C8orf76: variants seen among roughly 807,000 people sequenced by gnomAD.
C8orf76 encodes the protein uncharacterized protein C8orf76.
A neutral mutation model predicts 38.1 loss-of-function variants in C8orf76; 46 were observed. The observed-to-expected ratio is 1.21, with a 90% CI of 0.95 to 1.54. The LOEUF (loss-of-function observed/expected upper bound fraction) is 1.54, where lower values mean the gene tolerates loss of function less well. C8orf76 is among the 40% of genes most tolerant of loss of function. The pLI, the probability that C8orf76 is intolerant of heterozygous loss-of-function variation, is 0.00. For synonymous variants in C8orf76, 166 were observed against 167.5 expected (o/e 0.99, Z 0.07); for missense variants, 461 against 441.6 (o/e 1.04, Z -0.39).
At chr8:123,228,349 G>A (rs866227554) in intron 4 of C8orf76, among the ~76,000 whole-genome samples, 21 of 152,096 alleles carry the variant, frequency 1.4e-4, no homozygotes, top group Admixed American at 1.2e-3. Flanking sequence ...GGCCAGGCGC[G>A]GTGGCTCACG....
intron 1 of C8orf76, among the ~76,000 whole-genome samples, chr8:123,240,253 A>T (rs1212267288): frequency 6.6e-6 from 1 of 152,112 alleles, no homozygotes; most frequent in Non-Finnish European, 1.5e-5. Context: ...CTGCCACATG[A>T]TTTCCAAGCC....
chr8:123,225,674 CCCAGCACTTTGGGAGG>C (rs1825019910), intron 5 of C8orf76, among the ~76,000 whole-genome samples: 2 of 152,302 alleles, frequency 1.3e-5, no homozygotes. Flanking sequence ...GGCCTGTAAT[CCCAGCACTTTGGGAGG>C]CCGAGGTGGG....
chr8:123,240,301 G>T (rs569785089), intron 1 of C8orf76, among the ~76,000 whole-genome samples: 1 of 152,082 alleles, frequency 6.6e-6, no homozygotes. Flanking sequence ...CAGGGCTGAA[G>T]GTAACTTTGA....
Position 123,231,574 on chromosome 8 carries a change from G to A in C8orf76, c.541C>T (p.Leu181Phe). ...TGAGATGACGCAAGTGCTGCTGAAA[G>A]AGCTGGCCCCAGATTCAGGTAAGCC... is the stretch of plus-strand genomic sequence containing the variant. Reference protein sequence around the residue: ...AEAYLNLGPALSAALASSQKQ... With the variant: ...AEAYLNLGPAFSAALASSQKQ... Residue 181 changes from leucine to phenylalanine, a missense_variant, in exon 4 of 6, where the codon CTT becomes TTT. Physicochemically the swap from Leu to Phe is conservative, Grantham distance 22. Coordinates refer to ENST00000276704, the MANE Select transcript of C8orf76 (RefSeq NM_032847.3). 1 of 1,614,242 alleles carries A rather than the reference G, an allele frequency of 6.2e-7. No individual in the cohort carries two copies. The highest frequency in any genetic ancestry group is 8.5e-7 in the Non-Finnish European group (1 of 1,180,048).
chr8:123,231,954 AAG>A (rs1218298107), intron 3 of C8orf76, among the ~76,000 whole-genome samples, 197 bp from the exon 4 acceptor site: 8 of 152,236 alleles, frequency 5.3e-5, no homozygotes, highest in Non-Finnish European at 2.9e-5. Context: ...TACCTAGAGA[AAG>A]AGTCACCAGC....
chr8:123,228,919 C>T (rs1225915108), intron 4 of C8orf76, among the ~76,000 whole-genome samples: 2 of 152,214 alleles, frequency 1.3e-5, no homozygotes, highest in African/African-American at 2.4e-5. Flanking sequence ...AACTAGAGAG[C>T]AGAGTTTAAG....
Position 123,231,593 on chromosome 8 carries a change from G to C in C8orf76, c.522C>G (p.Tyr174Ter), listed in dbSNP as rs777113888. The change falls in exon 4 of 6, where the codon TAC becomes TAG. Residue 174 changes from tyrosine to a stop codon, truncating the protein, a stop_gained. Transcript: ENST00000276704. LOFTEE classifies it high-confidence loss of function. ...PWNWGKLAEA[Y>*]LNLGPALSAA... is the part of the protein sequence containing the mutation. ...CTGAAAGAGCTGGCCCCAGATTCAGGTAAGCCTCTGCCAATTTGCCCCAGT... is the reference window on the plus strand; with the variant it reads ...CTGAAAGAGCTGGCCCCAGATTCAGCTAAGCCTCTGCCAATTTGCCCCAGT... 3.1e-6 allele frequency: 5 copies of C among 1,614,112 alleles called. No individual in the cohort carries two copies. The highest frequency in any genetic ancestry group is 4.2e-6 in the Non-Finnish European group (5 of 1,180,060).
chr8:123,227,915 G>A (rs181060928), intron 4 of C8orf76, among the ~76,000 whole-genome samples: 7 of 152,178 alleles, frequency 4.6e-5, no homozygotes, highest in East Asian at 1.9e-4. Flanking sequence ...ACCCGGCCTC[G>A]GGAAGCATTC....
rs749045273 is a variant in C8orf76 at position 123,231,636 on chromosome 8, T to C, written c.479A>G (p.His160Arg). 6 of 1,614,170 alleles carry C rather than the reference T, an allele frequency of 3.7e-6. No homozygotes were observed. Among genetic ancestry groups the C allele is most frequent in the Non-Finnish European group, 5.1e-6 (6 of 1,180,042 alleles). ...IFCLQKLISL[H>R]PFNPWNWGKL... Reference sequence around the variant, plus strand: ...GCCCCAGTTCCAAGGATTAAAAGGATGCAAAGAAATCAGTTTCTGCAGGCA... The same window carrying C: ...GCCCCAGTTCCAAGGATTAAAAGGACGCAAAGAAATCAGTTTCTGCAGGCA... The change falls in exon 4 of 6, where the codon CAT (histidine) becomes CGT (arginine). Residue 160 changes from histidine (H) to arginine (R), a missense_variant. By Grantham distance (29) the His-to-Arg change is conservative. Coordinates refer to ENST00000276704, the MANE Select transcript of C8orf76 (RefSeq NM_032847.3).
At chr8:123,228,348 C>G (rs953465874) in intron 4 of C8orf76, among the ~76,000 whole-genome samples, 1 of 152,130 alleles carries the variant, frequency 6.6e-6, no homozygotes, top group Non-Finnish European at 1.5e-5. Flanking sequence ...TGGCCAGGCG[C>G]GGTGGCTCAC....
intron 3 of C8orf76, among the ~76,000 whole-genome samples, chr8:123,233,315 A>G (rs1332897828): frequency 1.3e-5 from 2 of 151,810 alleles, no homozygotes; most frequent in Non-Finnish European, 2.9e-5. Context: ...CACTGTGCCC[A>G]GCCTCAAAAA....
rs2131170896 is a variant in C8orf76 at position 123,241,242 on chromosome 8, G to C, written c.105C>G (p.Leu35=). The part of the protein sequence containing the change: ...SGPPASYCAK[L]CEPQWFYEET... Reference sequence around the variant, plus strand: ...CCCAGCTTCTCACCTGCGGCTCGCAGAGCTTGGCGCAGTAGGACGCGGGCG... The same window carrying C: ...CCCAGCTTCTCACCTGCGGCTCGCACAGCTTGGCGCAGTAGGACGCGGGCG... The change falls in exon 1 of 6, where the codon CTC becomes CTG. Residue 35 remains leucine (L), a synonymous_variant. Transcript: ENST00000276704. 1.9e-6 allele frequency: 3 copies of C among 1,589,014 alleles called. No individual in the cohort carries two copies. The highest frequency in any genetic ancestry group is 2.6e-6 in the Non-Finnish European group (3 of 1,172,096).
At position 123,223,505 on chromosome 8, in the gene C8orf76, G is replaced by A. The variant is rs185445337; in HGVS notation, c.948+2995C>T. Among the ~76,000 whole-genome samples the A allele has an allele frequency of 2.8e-3, 425 of 152,328 alleles. 1 individual carries two copies. The highest frequency in any genetic ancestry group is 3.9e-3 in the Non-Finnish European group (263 of 68,038). Reference sequence around the variant, plus strand: ...CGCCTGTAGTCCCACCTACTTGGGAGGCTGAGACAGGAGAATTGCTTGAAC... The same window carrying A: ...CGCCTGTAGTCCCACCTACTTGGGAAGCTGAGACAGGAGAATTGCTTGAAC... On this transcript the variant is annotated intron_variant, in intron 5 of 5. Transcript: ENST00000276704.
At chr8:123,232,303 C>G (rs1313372772) in intron 3 of C8orf76, among the ~76,000 whole-genome samples, 1 of 152,220 alleles carries the variant, frequency 6.6e-6, no homozygotes, top group African/African-American at 2.4e-5. Context: ...ATCCAAATGC[C>G]TTCCCTGGTA....
At chr8:123,230,977 T>C (rs1319467952) in intron 4 of C8orf76, among the ~76,000 whole-genome samples, 2 of 152,150 alleles carry the variant, frequency 1.3e-5, no homozygotes, top group Non-Finnish European at 2.9e-5. Context: ...AAAAAAATTT[T>C]TGTAGAAATG....
chr8:123,227,484 G>GA (rs969617675), intron 4 of C8orf76, among the ~76,000 whole-genome samples: 3 of 151,952 alleles, frequency 2.0e-5, no homozygotes, highest in Non-Finnish European at 4.4e-5. Flanking sequence ...AAGTGCTATG[G>GA]AAAAAAACCC....
chr8:123,241,331 A>G lies in C8orf76; in HGVS notation c.16T>C (p.Trp6Arg). 6.4e-7 allele frequency: 1 copy of G among 1,568,724 alleles called. No homozygotes were observed. Among genetic ancestry groups the G allele is most frequent in the Non-Finnish European group, 8.6e-7 (1 of 1,163,316 alleles). Residue 6 changes from tryptophan to arginine, a missense_variant, in exon 1 of 6, where the codon TGG (tryptophan) becomes CGG (arginine). Coordinates refer to ENST00000276704, the MANE Select transcript of C8orf76 (RefSeq NM_032847.3). The stretch of plus-strand genomic sequence containing the variant: ...TCCTCGAACTCGCCGCCGAACAACC[A>G]GCACCCGGAATCCATCTCGCGCCCG... The part of the protein sequence containing the change: MDSGC[W>R]LFGGEFEDSV...
intron 2 of C8orf76, among the ~76,000 whole-genome samples, chr8:123,238,313 T>C (rs1383167548): frequency 1.3e-5 from 2 of 152,176 alleles, no homozygotes; most frequent in Non-Finnish European, 2.9e-5. Context: ...CCTGCCGCCA[T>C]GTAAGACGTG....
At chr8:123,221,839 T>A (rs1354005373) in intron 5 of C8orf76, among the ~76,000 whole-genome samples, 3 of 151,990 alleles carry the variant, frequency 2.0e-5, no homozygotes, top group African/African-American at 7.3e-5. Flanking sequence ...AGCCCAGGAG[T>A]TGGAGGCTGC....
Sources: gnomAD v4.1 joint callset for allele counts (sites outside exome capture counted in the v4.1 genomes callset) on GRCh38, gnomAD v4.1.1 for gene constraint, MANE v1.5 for transcripts, NCBI Gene and HGNC (gene_info 2026-07-23, HGNC 2026-07-21) for gene names.